BCKDHB: variants seen among roughly 807,000 people sequenced by gnomAD.
BCKDHB encodes the protein branched chain keto acid dehydrogenase E1 subunit beta, also known as 2-oxoisovalerate dehydrogenase subunit beta, mitochondrial.
A neutral mutation model predicts 48.5 loss-of-function variants in BCKDHB; 41 were observed. The observed-to-expected ratio is 0.85, with a 90% CI of 0.66 to 1.10. The LOEUF is 1.10. Ranked by LOEUF, BCKDHB falls within the 50% of genes least tolerant of loss-of-function variation. The pLI, the probability that BCKDHB is intolerant of heterozygous loss-of-function variation, is 0.00. For synonymous variants in BCKDHB, 201 were observed against 174.8 expected (o/e 1.15, Z -1.18); for missense variants, 496 against 494.2 (o/e 1.00, Z -0.03).
chr6:80,327,267 C>G (rs1001010199), intron 9 of BCKDHB, among the ~76,000 whole-genome samples: 1 of 152,166 alleles, frequency 6.6e-6, no homozygotes, highest in Non-Finnish European at 1.5e-5. Flanking sequence ...GCAAAATCAT[C>G]TAACACAAAG....
chr6:80,455,674 G>A, the BCKDHB span, among the ~76,000 whole-genome samples: 5 of 151,680 alleles, frequency 3.3e-5, no homozygotes, highest in East Asian at 5.8e-4. Flanking sequence ...CTACAGGACC[G>A]GATCCCTTCC....
chr6:80,135,489 C>T (rs1189282648), intron 3 of BCKDHB, among the ~76,000 whole-genome samples: 1 of 151,864 alleles, frequency 6.6e-6, no homozygotes, highest in Non-Finnish European at 1.5e-5. Flanking sequence ...ATCTGGTTTC[C>T]TAATATATTT....
rs76969522 is a variant in BCKDHB at position 80,245,566 on chromosome 6, C to G, written c.952-27569C>G. On this transcript the variant is annotated intron_variant, in intron 8 of 9. Transcript: ENST00000320393. ...CTGATACTATTTTCATGTGTACTCT[C>G]AGTCACAGCATCTAGTTGAGACTAA... 6.7e-3 allele frequency among the ~76,000 whole-genome samples: 1,014 copies of G among 152,278 alleles called. 5 individuals are homozygous for G. Among genetic ancestry groups the G allele is most frequent in the Non-Finnish European group, 0.012 (788 of 68,014 alleles).
chr6:80,225,030 A>G (rs186202058), intron 8 of BCKDHB, among the ~76,000 whole-genome samples: 48 of 152,176 alleles, frequency 3.2e-4, no homozygotes, highest in Middle Eastern at 6.8e-3. Flanking sequence ...ATTGATTCTT[A>G]TTCTTCCCTC....
intron 3 of BCKDHB, among the ~76,000 whole-genome samples, chr6:80,155,294 A>G (rs890678029): frequency 2.6e-5 from 4 of 152,190 alleles, no homozygotes; most frequent in African/African-American, 7.2e-5. Flanking sequence ...CAGATTAGCT[A>G]TTTAAAACTG....
intron 9 of BCKDHB, among the ~76,000 whole-genome samples, chr6:80,290,264 G>C (rs1766844395): frequency 6.6e-6 from 1 of 152,152 alleles, no homozygotes; most frequent in South Asian, 2.1e-4. Flanking sequence ...GGTGGGAGGG[G>C]AGCAGGGTAT....
chr6:80,234,321 T>A (rs1394510592), intron 8 of BCKDHB, among the ~76,000 whole-genome samples: 4 of 152,134 alleles, frequency 2.6e-5, no homozygotes, highest in African/African-American at 7.2e-5. Flanking sequence ...ATTGCGACTA[T>A]TTAGTTTAGA....
chr6:80,369,501 A>G, the BCKDHB span, among the ~76,000 whole-genome samples: 26 of 152,334 alleles, frequency 1.7e-4, no homozygotes, highest in South Asian at 2.5e-3. Flanking sequence ...TGTTTGGTTT[A>G]TATTTAAGTG....
chr6:80,317,329 G>A (rs929983291), intron 9 of BCKDHB, among the ~76,000 whole-genome samples: 1 of 152,142 alleles, frequency 6.6e-6, no homozygotes, highest in Non-Finnish European at 1.5e-5. Flanking sequence ...CATATCAATG[G>A]TCTAAAATCA....
At chr6:80,334,890 ATG>A (rs953534696) in intron 9 of BCKDHB, among the ~76,000 whole-genome samples, 3 of 151,948 alleles carry the variant, frequency 2.0e-5, no homozygotes, top group African/African-American at 4.8e-5. Context: ...CATTTTTTAT[ATG>A]TATATATATA....
At chr6:80,120,728 A>C (rs1449766368) in intron 1 of BCKDHB, among the ~76,000 whole-genome samples, 1 of 152,000 alleles carries the variant, frequency 6.6e-6, no homozygotes, top group Admixed American at 6.5e-5. Context: ...TTTCTTGTAA[A>C]TTTGTTTGAG....
At chr6:80,353,507 A>T in the BCKDHB span, among the ~76,000 whole-genome samples, 2 of 151,242 alleles carry the variant, frequency 1.3e-5, no homozygotes, top group African/African-American at 2.4e-5. Flanking sequence ...TGTGTATAGG[A>T]TTCTTTTTTC....
chr6:80,362,219 C>T, the BCKDHB span, among the ~76,000 whole-genome samples: 1 of 152,136 alleles, frequency 6.6e-6, no homozygotes, highest in Non-Finnish European at 1.5e-5. Flanking sequence ...ATCTTATTTT[C>T]ATGGTATCTT....
At position 80,220,474 on chromosome 6, in the gene BCKDHB, A is replaced by C. The variant is rs563824704; in HGVS notation, c.951+17262A>C. ...GATTGTTGATTATTCTGGATACCTG[A>C]CTGGTGCAGCTTTCCTTTATGTCTC... On this transcript the variant is annotated intron_variant, in intron 8 of 9. Transcript: ENST00000320393. 5.5e-4 allele frequency among the ~76,000 whole-genome samples: 73 copies of C among 131,810 alleles called. 1 individual carries two copies. Among genetic ancestry groups the C allele is most frequent in the African/African-American group, 2.0e-3 (70 of 35,834 alleles). 86.5% of individuals were successfully genotyped at this position (131,810 alleles called of 152,430 possible). A position where few individuals can be genotyped will look rare whatever the true frequency, so the allele number is the denominator to read the frequency against.
chr6:80,185,065 A>C (rs1383908127), intron 6 of BCKDHB, among the ~76,000 whole-genome samples: 2 of 152,158 alleles, frequency 1.3e-5, no homozygotes, highest in African/African-American at 2.4e-5. Flanking sequence ...TTCCTCAGGA[A>C]CACCAATTAT....
At position 80,206,487 on chromosome 6, in the gene BCKDHB, T is replaced by C. The variant is rs142581415; in HGVS notation, c.951+3275T>C. Among the ~76,000 whole-genome samples the C allele has an allele frequency of 1.6e-3, 242 of 151,492 alleles. 1 individual carries two copies. Among genetic ancestry groups the C allele is most frequent in the African/African-American group, 5.6e-3 (233 of 41,244 alleles). ...ATCTTGATTGTTATGCTTAGGAACA[T>C]AGAGAAAATAAGGAACAAAAGAGGT... On this transcript the variant is annotated intron_variant, in intron 8 of 9. Coordinates refer to ENST00000320393, the MANE Select transcript of BCKDHB (RefSeq NM_183050.4).
chr6:80,240,852 CT>C (rs1776354779), intron 8 of BCKDHB, among the ~76,000 whole-genome samples: 2 of 152,170 alleles, frequency 1.3e-5, no homozygotes, highest in Admixed American at 1.3e-4. Flanking sequence ...TGTTTTCCAG[CT>C]TGGTTCCTTT....
intron 6 of BCKDHB, among the ~76,000 whole-genome samples, chr6:80,180,787 A>G (rs1445350218): frequency 2.6e-5 from 4 of 152,196 alleles, no homozygotes; most frequent in Non-Finnish European, 2.9e-5. Context: ...CAGTGTACGT[A>G]AAGAGAGAAA....
At chr6:80,154,687 A>G (rs1771953635) in intron 3 of BCKDHB, among the ~76,000 whole-genome samples, 1 of 152,150 alleles carries the variant, frequency 6.6e-6, no homozygotes, top group African/African-American at 2.4e-5. Context: ...AATGTATTAA[A>G]AAGTAAAAGT....
Sources: allele counts gnomAD v4.1 joint callset (sites outside exome capture counted in the v4.1 genomes callset), GRCh38; gene constraint gnomAD v4.1.1; transcripts MANE v1.5; gene names NCBI Gene and HGNC (gene_info 2026-07-23, HGNC 2026-07-21).